Variants in SVIL observed in about 807,000 individuals in gnomAD.
The protein encoded by SVIL is supervillin, also known as archvillin.
Under a neutral mutation model 240.4 loss-of-function variants are expected in SVIL, and 101 were observed. The observed-to-expected ratio is 0.42, with a 90% CI of 0.36 to 0.50. SVIL has a LOEUF of 0.50. Ranked by LOEUF, SVIL falls within the 20% of genes least tolerant of loss-of-function variation. The pLI, the probability that SVIL is intolerant of heterozygous loss-of-function variation, is 0.01. For missense variants in SVIL, 2,512 were observed against 2,818.7 expected (o/e 0.89, Z 2.46); for synonymous variants, 999 against 1,100.0 (o/e 0.91, Z 1.82).
chr10:29,566,993 T>C (rs546129712), intron 2 of SVIL, among the ~76,000 whole-genome samples: 1 of 152,262 alleles, frequency 6.6e-6, no homozygotes, highest in Non-Finnish European at 1.5e-5. Flanking sequence ...AAGTTAGTGC[T>C]GTCCACTTCA....
rs1311254641 is a variant in SVIL, at chr10:29,580,558, C to T, written c.-200-11246G>A. Among the ~76,000 whole-genome samples, 5 of 152,274 alleles carry T rather than the reference C, an allele frequency of 3.3e-5. No homozygotes were observed. In the South Asian group the frequency reaches 6.2e-4, roughly 19 times the overall value. ...CTACATGCTCCTCCAGAGGTCCGTA[C>T]GATGTCACCTCATGTCACCTTGTTG... is the stretch of plus-strand genomic sequence containing the variant. On this transcript the variant is annotated intron_variant, in intron 1 of 37. Transcript: ENST00000355867.
rs548242899 is a variant in SVIL at position 29,647,080 on chromosome 10, CAA to C, written c.-201+10887_-201+10888del. Reference sequence around the variant, plus strand: ...AACCCCAATCCTCTGCAGGGGAAAACAAGAGGACATGCTTAGGACAAGCAAGA... The same window carrying C: ...AACCCCAATCCTCTGCAGGGGAAAACGAGGACATGCTTAGGACAAGCAAGA... On this transcript the variant is annotated intron_variant, in intron 3 of 35. Coordinates refer to the SVIL transcript ENST00000375400. 2.4e-4 allele frequency: 37 copies of C among 152,318 alleles called. No homozygotes were observed. In the East Asian group the frequency reaches 6.2e-3, roughly 25 times the overall value. The allele number at this position is 152,318 out of a possible 1,614,324, so 9.4% of individuals were successfully genotyped here.
chr10:29,725,716 T>A (rs948163675), intron 1 of SVIL, among the ~76,000 whole-genome samples: 1 of 152,158 alleles, frequency 6.6e-6, no homozygotes, highest in African/African-American at 2.4e-5. Flanking sequence ...TCAGTCAGGC[T>A]GATGGCCAGT....
chr10:29,458,638 A>G, intron 36 of SVIL, 49 bp from the exon 37 acceptor site: 1 of 1,585,982 alleles, frequency 6.3e-7, no homozygotes, highest in Non-Finnish European at 8.6e-7. Context: ...CTACATTTGA[A>G]CTTGTTTTAT....
intron 16 of SVIL, among the ~76,000 whole-genome samples, chr10:29,513,340 G>A: frequency 6.6e-6 from 1 of 152,218 alleles, no homozygotes; most frequent in East Asian, 1.9e-4. Flanking sequence ...GGAAGCTGAG[G>A]CAGGTGGATC....
At chr10:29,702,175 C>CA (rs60338711) in intron 1 of SVIL, among the ~76,000 whole-genome samples, 1,407 of 61,340 alleles carry the variant, frequency 0.023, 51 homozygotes, top group African/African-American at 0.069. Context: ...ACTCCATCTC[C>CA]AAAAAAAAAA....
At position 29,458,333 on chromosome 10, in the gene SVIL, A is replaced by T; in HGVS notation, c.6559T>A (p.Phe2187Ile). 1 of 1,614,146 alleles carries T rather than the reference A, an allele frequency of 6.2e-7. No homozygotes were observed. Among genetic ancestry groups the T allele is most frequent in the Non-Finnish European group, 8.5e-7 (1 of 1,180,024 alleles). Residue 2187 changes from phenylalanine to isoleucine, a missense_variant and splice_region_variant, in exon 38 of 38, where the codon TTT becomes ATT. Coordinates refer to ENST00000355867, the MANE Select transcript of SVIL (RefSeq NM_021738.3). ...EIYLTDEDFEFALDMTRDEYN... is the reference protein window; with the variant it reads ...EIYLTDEDFEIALDMTRDEYN... Reference sequence around the variant, plus strand: ...TCATCCCTCGTCATGTCTAGTGCAAACTGGAAACATTGGGAGAAGCGCCCC... The same window carrying T: ...TCATCCCTCGTCATGTCTAGTGCAATCTGGAAACATTGGGAGAAGCGCCCC...
At chr10:29,654,685 G>A (rs76140705) in intron 3 of SVIL, among the ~76,000 whole-genome samples, 2,943 of 152,184 alleles carry the variant, frequency 0.019, 96 homozygotes, top group African/African-American at 0.064. Flanking sequence ...TCCCACAACC[G>A]GTTGTCCTCA....
chr10:29,554,114 G>A (rs1484013833), intron 5 of SVIL, among the ~76,000 whole-genome samples: 2 of 152,150 alleles, frequency 1.3e-5, no homozygotes, highest in Admixed American at 1.3e-4. Flanking sequence ...CCGTGAGGCG[G>A]GGCAGAGATG....
intron 33 of SVIL, 113 bp from the exon 34 acceptor site, chr10:29,465,863 G>C (rs1404551206): frequency 4.4e-6 from 6 of 1,356,382 alleles, no homozygotes; most frequent in African/African-American, 1.5e-5. Flanking sequence ...AACACAGGTA[G>C]GATTTATCTG....
intron 1 of SVIL, among the ~76,000 whole-genome samples, chr10:29,696,332 C>T (rs1304301244): frequency 3.3e-5 from 5 of 152,096 alleles, no homozygotes; most frequent in Admixed American, 3.3e-4. Flanking sequence ...CCTGCCTTGG[C>T]CCCCCAAAGT....
At chr10:29,471,683 G>T (rs1945598684) in intron 30 of SVIL, among the ~76,000 whole-genome samples, 1 of 152,170 alleles carries the variant, frequency 6.6e-6, no homozygotes, top group Non-Finnish European at 1.5e-5. Context: ...TATGGTTTGT[G>T]GCCACCCCAG....
At chr10:29,486,580 T>C in intron 24 of SVIL, 23 bp from the exon 25 acceptor site, 1 of 1,613,970 alleles carries the variant, frequency 6.2e-7, no homozygotes, top group Non-Finnish European at 8.5e-7. Flanking sequence ...GGAACACAAT[T>C]GCCTGGGTAG....
chr10:29,531,287 A>C lies in SVIL; in HGVS notation c.2011T>G (p.Cys671Gly). The C allele has an allele frequency of 1.2e-6, 2 of 1,613,822 alleles. No individual in the cohort carries two copies. The highest frequency in any genetic ancestry group is 1.7e-6 in the Non-Finnish European group (2 of 1,179,896). The change falls in exon 10 of 38, where the codon TGC (cysteine) becomes GGC (glycine). Residue 671 changes from cysteine (C) to glycine (G), a missense_variant and splice_region_variant. Cys to Gly is a radical substitution (Grantham distance 159). Transcript: ENST00000355867. ...TSAERKESDR[C>G]TSHSETPTVD... ...GTTGGCGTTTCTGAATGTGAAGTGC[A>C]CCTAGGAAAGACATTAGCAAATAAC...
At chr10:29,692,198 T>G (rs1961560694) in intron 1 of SVIL, among the ~76,000 whole-genome samples, 1 of 152,050 alleles carries the variant, frequency 6.6e-6, no homozygotes, top group African/African-American at 2.4e-5. Flanking sequence ...CAAGTAGAGG[T>G]TCGTCAACAT....
At chr10:29,496,643 T>C (rs1473594404) in intron 18 of SVIL, among the ~76,000 whole-genome samples, 1 of 152,222 alleles carries the variant, frequency 6.6e-6, no homozygotes, top group Non-Finnish European at 1.5e-5. Context: ...GAATGGCTCA[T>C]GGCAGGGAGA....
chr10:29,523,613 G>C lies in SVIL; in HGVS notation c.3001C>G (p.Leu1001Val). ...SKYAVPRRGS[L>V]ERANPPITHL... ...GTGATGGGAGGGTTCGCCCGTTCCA[G>C]GCTTCCTCTTCTGGGAACAGCATAT... The change falls in exon 15 of 38, where the codon CTG (leucine) becomes GTG (valine). Residue 1001 changes from leucine (L) to valine (V), a missense_variant. By Grantham distance (32) the Leu-to-Val change is conservative. Coordinates refer to ENST00000355867, the MANE Select transcript of SVIL (RefSeq NM_021738.3). The C allele has an allele frequency of 6.2e-7, 1 of 1,614,162 alleles. No homozygotes were observed. Among genetic ancestry groups the C allele is most frequent in the Non-Finnish European group, 8.5e-7 (1 of 1,180,034 alleles).
intron 2 of SVIL, among the ~76,000 whole-genome samples, chr10:29,671,295 A>G (rs1959756523): frequency 6.6e-6 from 1 of 152,192 alleles, no homozygotes; most frequent in Non-Finnish European, 1.5e-5. Flanking sequence ...CCCGGGATAG[A>G]TGCCTTCAAC....
chr10:29,512,014 G>A (rs1443954870), intron 17 of SVIL, among the ~76,000 whole-genome samples: 7 of 152,134 alleles, frequency 4.6e-5, no homozygotes, highest in East Asian at 1.9e-4. Context: ...GTGTGTCACC[G>A]GTGCATCATT....
Sources: gnomAD v4.1 joint callset for allele counts (sites outside exome capture counted in the v4.1 genomes callset) on GRCh38, gnomAD v4.1.1 for gene constraint, MANE v1.5 for transcripts, NCBI Gene and HGNC (gene_info 2026-07-23, HGNC 2026-07-21) for gene names.